Variants in ZC3H12A observed in about 807,000 individuals in gnomAD.
ZC3H12A encodes endoribonuclease ZC3H12A.
In ZC3H12A, 9 loss-of-function variants were observed where a neutral mutation model predicts 29.9. The observed-to-expected ratio is 0.30, with a 90% CI of 0.18 to 0.53. The LOEUF is 0.53. Ranked by LOEUF, ZC3H12A falls within the 20% of genes least tolerant of loss-of-function variation. The pLI is 0.96. For missense variants in ZC3H12A, 617 were observed against 799.0 expected (o/e 0.77, Z 2.75); for synonymous variants, 323 against 338.1 (o/e 0.96, Z 0.49).
At position 37,476,743 on chromosome 1, in the gene ZC3H12A, C is replaced by G. The variant is rs1026644685; in HGVS notation, c.443+804C>G. On this transcript the variant is annotated intron_variant, in intron 2 of 5. Transcript: ENST00000373087. The surrounding 1 kb of genome is among the most constrained non-coding windows in gnomAD (Gnocchi z 6.0). The stretch of plus-strand genomic sequence containing the variant: ...GACCTTGGGAAACCCAGACTTCTCC[C>G]GTCAATCCAGGCTCCACCCTCTGGC... Among the ~76,000 whole-genome samples, 1 of 152,214 alleles carries G rather than the reference C, an allele frequency of 6.6e-6. No homozygotes were observed. The highest frequency in any genetic ancestry group is 1.9e-4 in the East Asian group (1 of 5,192).
chr1:37,482,032 G>C (rs1439108846), intron 4 of ZC3H12A, among the ~76,000 whole-genome samples, 197 bp downstream of exon 4: 1 of 152,220 alleles, frequency 6.6e-6, no homozygotes, highest in Non-Finnish European at 1.5e-5. Flanking sequence ...GGACCAGGCA[G>C]GCTGTGGGGT....
At chr1:37,481,978 T>C (rs1641717217) in intron 4 of ZC3H12A, 143 bp downstream of exon 4, 12 of 767,930 alleles carry the variant, frequency 1.6e-5, no homozygotes, top group Non-Finnish European at 2.3e-5. Flanking sequence ...CAGGCAGCTT[T>C]GAGAGTGAGA....
Position 37,482,449 on chromosome 1 carries a change from T to C in ZC3H12A, c.834T>C (p.Asp278=), listed in dbSNP as rs750319763. Reference sequence around the variant, plus strand: ...CCCTCTGCAGGTTTATGCCCCCTGATGACCCACTGGGCCGGCACGGGCCCA... The same window carrying C: ...CCCTCTGCAGGTTTATGCCCCCTGACGACCCACTGGGCCGGCACGGGCCCA... ...SFVNDKFMPP[D]DPLGRHGPSL... Residue 278 remains aspartate (D), a synonymous_variant, in exon 5 of 6, where the codon GAT becomes GAC. Coordinates refer to ENST00000373087, the MANE Select transcript of ZC3H12A (RefSeq NM_025079.3). 2.5e-6 allele frequency: 4 copies of C among 1,613,610 alleles called. No individual in the cohort carries two copies. The highest frequency in any genetic ancestry group is 1.1e-5 in the South Asian group (1 of 91,068).
chr1:37,475,985 C>G lies in ZC3H12A; in HGVS notation c.443+46C>G. 1 of 1,460,434 alleles carries G rather than the reference C, an allele frequency of 6.8e-7. No individual in the cohort carries two copies. Among genetic ancestry groups the G allele is most frequent in the African/African-American group, 1.4e-5 (1 of 70,908 alleles). The allele number at this position is 1,460,434 out of a possible 1,614,324, so 90.5% of individuals were successfully genotyped here. A position where few individuals can be genotyped will look rare whatever the true frequency, so the allele number is the denominator to read the frequency against. On this transcript the variant is annotated intron_variant, in intron 2 of 5. Transcript: ENST00000373087. This position sits in a 1 kb window ranked among gnomAD's most constrained non-coding sequence, Gnocchi z 5.2. The stretch of plus-strand genomic sequence containing the variant: ...CAGGACACATGAGGTTCGCATCTCT[C>G]CTGTGGCCAGGACACATGGAAGGAT...
intron 4 of ZC3H12A, 128 bp downstream of exon 4, chr1:37,481,963 G>A: frequency 1.1e-6 from 1 of 878,238 alleles, no homozygotes; most frequent in Non-Finnish European, 1.8e-6. Context: ...TGCGGGTCTT[G>A]GCTCCAGGCA....
At position 37,479,983 on chromosome 1, in the gene ZC3H12A, T is replaced by C; in HGVS notation, c.444-307T>C. On this transcript the variant is annotated intron_variant, in intron 2 of 5. Transcript: ENST00000373087. This position sits in a 1 kb window ranked among gnomAD's most constrained non-coding sequence, Gnocchi z 4.5. The stretch of plus-strand genomic sequence containing the variant: ...GTGGGGAGCAGTGCTGCCAGCTTCC[T>C]GGGCGCTTCCTCACTTTCAGGAGAT... 5 of 1,118,638 alleles carry C rather than the reference T, an allele frequency of 4.5e-6. No individual in the cohort carries two copies. The highest frequency in any genetic ancestry group is 5.5e-6 in the Non-Finnish European group (5 of 911,314). The allele number at this position is 1,118,638 out of a possible 1,614,324, so 69.3% of individuals were successfully genotyped here.
Position 37,480,279 on chromosome 1 carries a change from C to G in ZC3H12A, c.444-11C>G. On this transcript the variant is annotated splice_polypyrimidine_tract_variant and intron_variant, in intron 2 of 5. Transcript: ENST00000373087. ...CATCAGTGTGGGCTAACCCTGTCCT[C>G]TCCCTCCCAGCCATGGGAACAAGGA... The G allele has an allele frequency of 6.2e-7, 1 of 1,610,480 alleles. No individual in the cohort carries two copies. The highest frequency in any genetic ancestry group is 8.5e-7 in the Non-Finnish European group (1 of 1,177,874).
At chr1:37,481,978 T>G in intron 4 of ZC3H12A, 143 bp downstream of exon 4, 4 of 768,048 alleles carry the variant, frequency 5.2e-6, no homozygotes, top group Non-Finnish European at 8.5e-6. Context: ...CAGGCAGCTT[T>G]GAGAGTGAGA....
At position 37,476,280 on chromosome 1, in the gene ZC3H12A, G is replaced by A. The variant is rs1428193195; in HGVS notation, c.443+341G>A. Among the ~76,000 whole-genome samples, 1 of 152,182 alleles carries A rather than the reference G, an allele frequency of 6.6e-6. No individual in the cohort carries two copies. The highest frequency in any genetic ancestry group is 1.9e-4 in the East Asian group (1 of 5,198). On this transcript the variant is annotated intron_variant, in intron 2 of 5. Coordinates refer to ENST00000373087, the MANE Select transcript of ZC3H12A (RefSeq NM_025079.3). This position sits in a 1 kb window ranked among gnomAD's most constrained non-coding sequence, Gnocchi z 6.0. ...TGGGCAGCTGCTCACTCACCCCTCGGAACCTGATCTCAGGTGGGTGTTGTG... is the reference window on the plus strand; with the variant it reads ...TGGGCAGCTGCTCACTCACCCCTCGAAACCTGATCTCAGGTGGGTGTTGTG...
Position 37,483,537 on chromosome 1 carries a change from T to G in ZC3H12A, c.1726T>G (p.Phe576Val). 2 of 1,613,626 alleles carry G rather than the reference T, an allele frequency of 1.2e-6. No homozygotes were observed. Among genetic ancestry groups the G allele is most frequent in the Non-Finnish European group, 1.7e-6 (2 of 1,179,892 alleles). The change falls in exon 6 of 6, where the codon TTC becomes GTC. Residue 576 changes from phenylalanine to valine, a missense_variant. By Grantham distance (50) the Phe-to-Val change is conservative. Transcript: ENST00000373087. The part of the protein sequence containing the change: ...PHLVEAVMGR[F>V]PQLLDPQQLA... ...CCTGGTGGAGGCTGTGATGGGGCGC[T>G]TCCCACAGCTCCTGGACCCCCAGCA...
At chr1:37,477,485 C>T (rs1022728301) in intron 2 of ZC3H12A, among the ~76,000 whole-genome samples, 5 of 149,136 alleles carry the variant, frequency 3.4e-5, no homozygotes, top group Non-Finnish European at 7.6e-5. Flanking sequence ...GCCCGGCCAC[C>T]CCCCCTCCCC....
intron 2 of ZC3H12A, among the ~76,000 whole-genome samples, chr1:37,477,325 T>C (rs911933917): frequency 1.3e-5 from 2 of 152,076 alleles, no homozygotes; most frequent in Non-Finnish European, 2.9e-5. Flanking sequence ...AGGAGGGACA[T>C]GGGAGGAGGG....
In ZC3H12A at chr1:37,479,269, A is replaced by C. The variant is rs1569922037; in HGVS notation, c.444-1021A>C. ...CCATCCCTCAGGAAATCCAGTTGGA[A>C]CCCCTACTTTGCAGGGCCATCTTTG... On this transcript the variant is annotated intron_variant, in intron 2 of 5. Transcript: ENST00000373087. This position sits in a 1 kb window ranked among gnomAD's most constrained non-coding sequence, Gnocchi z 4.5. 6 of 985,278 alleles carry C rather than the reference A, an allele frequency of 6.1e-6. No individual in the cohort carries two copies. The highest frequency in any genetic ancestry group is 7.2e-6 in the Non-Finnish European group (6 of 829,896). The allele number at this position is 985,278 out of a possible 1,614,324, so 61.0% of individuals were successfully genotyped here. A position where few individuals can be genotyped will look rare whatever the true frequency, so the allele number is the denominator to read the frequency against.
chr1:37,483,965 G>A lies in ZC3H12A; in HGVS notation c.*354G>A, dbSNP rs1183159644. On this transcript the variant is annotated 3_prime_UTR_variant, in exon 6 of 6. Coordinates refer to ENST00000373087, the MANE Select transcript of ZC3H12A (RefSeq NM_025079.3). ...GGGAGGTGGGGGCAGCAGAGGCCTG[G>A]GCTGGGTGCCCTGTGCACGCCACCC... 8.4e-6 allele frequency: 2 copies of A among 238,408 alleles called. No homozygotes were observed. Among genetic ancestry groups the A allele is most frequent in the Non-Finnish European group, 1.7e-5 (2 of 121,198 alleles). The allele number at this position is 238,408 out of a possible 1,614,324, so 14.8% of individuals were successfully genotyped here. A position where few individuals can be genotyped will look rare whatever the true frequency, so the allele number is the denominator to read the frequency against.
rs542984929 is a variant in ZC3H12A at position 37,476,082 on chromosome 1, A to G, written c.443+143A>G. ...TAGGGACTGGTCTAGAGGGAGGGAA[A>G]GCCTTTTATGAGGCTAGGGTCGCGC... On this transcript the variant is annotated intron_variant, in intron 2 of 5. Coordinates refer to ENST00000373087, the MANE Select transcript of ZC3H12A (RefSeq NM_025079.3). The surrounding 1 kb of genome is among the most constrained non-coding windows in gnomAD (Gnocchi z 6.0). 2.7e-5 allele frequency: 25 copies of G among 928,432 alleles called. No individual in the cohort carries two copies. The South Asian group carries it at 5.3e-4, about 20-fold the overall frequency. 57.5% of individuals were successfully genotyped at this position (928,432 alleles called of 1,614,324 possible).
Position 37,479,918 on chromosome 1 carries a change from AC to A in ZC3H12A, c.444-367del. 1 of 1,018,690 alleles carries A rather than the reference AC, an allele frequency of 9.8e-7. No individual in the cohort carries two copies. Among genetic ancestry groups the A allele is most frequent in the Non-Finnish European group, 1.2e-6 (1 of 850,754 alleles). The allele number at this position is 1,018,690 out of a possible 1,614,324, so 63.1% of individuals were successfully genotyped here. On this transcript the variant is annotated intron_variant, in intron 2 of 5. Coordinates refer to ENST00000373087, the MANE Select transcript of ZC3H12A (RefSeq NM_025079.3). The surrounding 1 kb of genome is among the most constrained non-coding windows in gnomAD (Gnocchi z 4.5). ...AGAAGTCTCGCGGCACCTTTCCCCC[AC>A]CCCCAGGTGTGTTGCAAGTGGCCTG...
rs1641654230 is a variant in ZC3H12A, at chr1:37,479,391, C to T, written c.444-899C>T. 1 of 985,442 alleles carries T rather than the reference C, an allele frequency of 1.0e-6. No individual in the cohort carries two copies. Among genetic ancestry groups the T allele is most frequent in the Admixed American group, 6.1e-5 (1 of 16,288 alleles). 61.0% of individuals were successfully genotyped at this position (985,442 alleles called of 1,614,324 possible). A position where few individuals can be genotyped will look rare whatever the true frequency, so the allele number is the denominator to read the frequency against. ...TTTCAGATAGAGGAACGGAGAGCTG[C>T]GGCAGCCCAGGAGCCCTGCCAGGCT... On this transcript the variant is annotated intron_variant, in intron 2 of 5. Transcript: ENST00000373087. This position sits in a 1 kb window ranked among gnomAD's most constrained non-coding sequence, Gnocchi z 4.5.
At chr1:37,480,195 AG>A (rs778327682) in intron 2 of ZC3H12A, 94 bp from the exon 3 acceptor site, 105 of 1,524,198 alleles carry the variant, frequency 6.9e-5, no homozygotes, top group Non-Finnish European at 8.6e-5. Flanking sequence ...AAGCCAGGGC[AG>A]GGGTGGGGTG....
chr1:37,477,390 C>T (rs1641612011), intron 2 of ZC3H12A, among the ~76,000 whole-genome samples: 1 of 152,186 alleles, frequency 6.6e-6, no homozygotes, highest in Admixed American at 6.5e-5. Context: ...AGCCACGCAC[C>T]CACCTCGGGG....
Sources: gnomAD v4.1 joint callset for allele counts (sites outside exome capture counted in the v4.1 genomes callset) on GRCh38, gnomAD v4.1.1 for gene constraint, Gnocchi (gnomAD v3.1) non-coding constraint, MANE v1.5 for transcripts, NCBI Gene and HGNC (gene_info 2026-07-23, HGNC 2026-07-21) for gene names.